PDGFC: variants seen among roughly 807,000 people sequenced by gnomAD.
The protein encoded by PDGFC is platelet-derived growth factor C.
PDGFC carries 12 observed loss-of-function variants against 35.5 expected under a neutral mutation model. That is an observed-to-expected ratio of 0.34 (90% CI 0.22 to 0.55). The LOEUF (loss-of-function observed/expected upper bound fraction) is 0.55, where lower values mean the gene tolerates loss of function less well. Ranked by LOEUF, PDGFC falls within the 20% of genes least tolerant of loss-of-function variation. PDGFC has a pLI of 0.91. For missense variants in PDGFC, 322 were observed against 412.4 expected, an observed-to-expected ratio of 0.78 and a Z score of 1.90; for synonymous variants, 159 against 148.8, an observed-to-expected ratio of 1.07 and a Z score of -0.50.
intron 3 of PDGFC, among the ~76,000 whole-genome samples, chr4:156,805,949 G>A (rs190652577): frequency 8.6e-4 from 131 of 152,052 alleles, no homozygotes; most frequent in Admixed American, 1.8e-3. Flanking sequence ...AGGGCATGCT[G>A]GCCAGTACGC....
chr4:156,795,675 T>A (rs930660255), intron 3 of PDGFC, among the ~76,000 whole-genome samples: 3 of 152,218 alleles, frequency 2.0e-5, no homozygotes, highest in Non-Finnish European at 4.4e-5. Flanking sequence ...GAAAATATCA[T>A]GTGTTAATGT....
intron 1 of PDGFC, among the ~76,000 whole-genome samples, chr4:156,873,336 C>A (rs1411718101): frequency 1.3e-5 from 2 of 152,112 alleles, no homozygotes. Flanking sequence ...CTCCCAAATT[C>A]CTGAAGTGAT....
At chr4:156,945,154 T>A (rs200476479) in intron 1 of PDGFC, among the ~76,000 whole-genome samples, 1 of 151,632 alleles carries the variant, frequency 6.6e-6, no homozygotes, top group Non-Finnish European at 1.5e-5. Flanking sequence ...CTCCCCTCAA[T>A]AGAAATGTAA....
rs910605904 is a variant in PDGFC, at chr4:156,767,820, T to G, written c.874A>C (p.Asn292His). Residue 292 changes from asparagine (N) to histidine (H), a missense_variant, in exon 5 of 6, where the codon AAT becomes CAT. Physicochemically the swap from Asn to His is moderately conservative, Grantham distance 68. Transcript: ENST00000502773. ...GNCACCLHNCNECQCVPSKVT... is the reference protein window; with the variant it reads ...GNCACCLHNCHECQCVPSKVT... ...TTGCTTGGGACACATTGACATTCATTGCAATTGTGGAGACAACAGGCACAG... is the reference window on the plus strand; with the variant it reads ...TTGCTTGGGACACATTGACATTCATGGCAATTGTGGAGACAACAGGCACAG... The G allele has an allele frequency of 1.2e-6, 2 of 1,613,248 alleles. No individual in the cohort carries two copies. Among genetic ancestry groups the G allele is most frequent in the African/African-American group, 2.7e-5 (2 of 74,870 alleles).
At chr4:156,781,001 A>T (rs181943817) in intron 3 of PDGFC, among the ~76,000 whole-genome samples, 2 of 152,058 alleles carry the variant, frequency 1.3e-5, no homozygotes, top group Admixed American at 1.3e-4. Context: ...TGTCCCAAGG[A>T]TCTCTGCTTG....
chr4:156,955,714 T>C (rs1732193566), intron 1 of PDGFC, among the ~76,000 whole-genome samples: 1 of 151,980 alleles, frequency 6.6e-6, no homozygotes, highest in Non-Finnish European at 1.5e-5. Context: ...CAGAAGGCTA[T>C]AATCATTACC....
chr4:156,912,978 T>G (rs1038693150), intron 1 of PDGFC, among the ~76,000 whole-genome samples: 4 of 152,188 alleles, frequency 2.6e-5, no homozygotes, highest in African/African-American at 9.7e-5. Context: ...TTCTTATATT[T>G]TGGACATAAG....
chr4:156,848,106 G>A (rs1379034796), intron 2 of PDGFC, among the ~76,000 whole-genome samples: 1 of 151,554 alleles, frequency 6.6e-6, no homozygotes, highest in Non-Finnish European at 1.5e-5. Flanking sequence ...AATACAAAAG[G>A]AGCAAAAGAC....
At chr4:156,893,526 G>C (rs1048094706) in intron 1 of PDGFC, among the ~76,000 whole-genome samples, 1 of 151,324 alleles carries the variant, frequency 6.6e-6, no homozygotes, top group Non-Finnish European at 1.5e-5. Flanking sequence ...TTGCAGAGAC[G>C]AGGTCTTACT....
intron 1 of PDGFC, among the ~76,000 whole-genome samples, chr4:156,956,353 G>T (rs1280111039): frequency 6.6e-6 from 1 of 152,036 alleles, no homozygotes; most frequent in African/African-American, 2.4e-5. Flanking sequence ...AGCATCACCT[G>T]TGAGGTGGTT....
intron 5 of PDGFC, among the ~76,000 whole-genome samples, chr4:156,766,415 A>G (rs1730531567): frequency 6.6e-6 from 1 of 152,158 alleles, no homozygotes; most frequent in Admixed American, 6.6e-5. Context: ...GAATCTTATT[A>G]ATAACATTAT....
intron 3 of PDGFC, among the ~76,000 whole-genome samples, chr4:156,777,364 A>G (rs1016176440): frequency 1.3e-5 from 2 of 152,332 alleles, no homozygotes; most frequent in South Asian, 2.1e-4. Context: ...CTATTCTACT[A>G]AAGTCCTACT....
At chr4:156,936,255 C>G (rs1731678551) in intron 1 of PDGFC, among the ~76,000 whole-genome samples, 1 of 152,090 alleles carries the variant, frequency 6.6e-6, no homozygotes, top group African/African-American at 2.4e-5. Context: ...GGACCTTGTT[C>G]CCCTAGAGAG....
At chr4:156,873,391 C>T (rs1051165749) in intron 1 of PDGFC, among the ~76,000 whole-genome samples, 6 of 152,242 alleles carry the variant, frequency 3.9e-5, no homozygotes, top group African/African-American at 1.4e-4. Flanking sequence ...CAGAATGATT[C>T]TGAACCACTG....
chr4:156,889,933 T>C (rs1485533490), intron 1 of PDGFC, among the ~76,000 whole-genome samples: 2 of 152,306 alleles, frequency 1.3e-5, no homozygotes, highest in East Asian at 1.9e-4. Flanking sequence ...TGTTGGTTTA[T>C]TGGGGGGAAA....
At chr4:156,808,419 C>T (rs1050374802) in intron 3 of PDGFC, among the ~76,000 whole-genome samples, 3 of 151,940 alleles carry the variant, frequency 2.0e-5, no homozygotes, top group Admixed American at 6.6e-5. Flanking sequence ...TCAATGAGAC[C>T]GTTGCCTCTG....
intron 1 of PDGFC, among the ~76,000 whole-genome samples, chr4:156,922,351 T>C (rs530645765): frequency 6.6e-6 from 1 of 152,336 alleles, no homozygotes; most frequent in East Asian, 1.9e-4. Context: ...ATTCAATGGC[T>C]AACATATGCT....
intron 3 of PDGFC, among the ~76,000 whole-genome samples, chr4:156,800,680 A>G (rs1731579272): frequency 6.6e-6 from 1 of 152,182 alleles, no homozygotes; most frequent in African/African-American, 2.4e-5. Context: ...AGTGGATACA[A>G]CTAGACATTA....
chr4:156,922,578 G>A (rs1475943969), intron 1 of PDGFC, among the ~76,000 whole-genome samples: 2 of 152,192 alleles, frequency 1.3e-5, no homozygotes, highest in Non-Finnish European at 2.9e-5. Flanking sequence ...AAGATAGGAA[G>A]TATCTTTGGG....
Sources: allele counts gnomAD v4.1 joint callset (sites outside exome capture counted in the v4.1 genomes callset), GRCh38; gene constraint gnomAD v4.1.1; transcripts MANE v1.5; gene names NCBI Gene and HGNC (gene_info 2026-07-23, HGNC 2026-07-21).